CNGB3: variants seen among roughly 807,000 people sequenced by gnomAD.
The protein encoded by CNGB3 is cyclic nucleotide-gated channel beta-3.
In CNGB3, 86 loss-of-function variants were observed where a neutral mutation model predicts 92.8. That is an observed-to-expected ratio of 0.93 (90% CI 0.78 to 1.11). The LOEUF is 1.11. Among genes scored for constraint, CNGB3 ranks in the 50% least tolerant of loss-of-function variants. The pLI, the probability that CNGB3 is intolerant of heterozygous loss-of-function variation, is 0.00. For missense variants in CNGB3, 1,026 were observed against 956.8 expected (o/e 1.07, Z -0.95); for synonymous variants, 333 against 332.7 (o/e 1.00, Z -0.01).
chr8:86,630,522 A>G (rs7012979), intron 11 of CNGB3, among the ~76,000 whole-genome samples: 7,071 of 152,220 alleles, frequency 0.046, 548 homozygotes, highest in African/African-American at 0.16. Flanking sequence ...GAGAGGAAGA[A>G]AAATGTCAGT....
intron 6 of CNGB3, chr8:86,660,709 C>G: frequency 7.6e-6 from 4 of 529,036 alleles, no homozygotes; most frequent in South Asian, 4.2e-5. Flanking sequence ...GTTCCATACA[C>G]AGTGCTCCCC....
intron 7 of CNGB3, among the ~76,000 whole-genome samples, 192 bp downstream of exon 7, chr8:86,653,818 TTA>T (rs1823450448): frequency 6.6e-6 from 1 of 152,152 alleles, no homozygotes; most frequent in Non-Finnish European, 1.5e-5. Context: ...TAATAAGGGC[TTA>T]TATGTTGAAT....
chr8:86,664,348 C>A (rs1016154012), intron 6 of CNGB3, among the ~76,000 whole-genome samples: 1 of 152,158 alleles, frequency 6.6e-6, no homozygotes, highest in South Asian at 2.1e-4. Flanking sequence ...GGAGATTAAG[C>A]GACCTAACTG....
At chr8:86,595,039 A>C (rs1822139467) in intron 15 of CNGB3, among the ~76,000 whole-genome samples, 1 of 152,158 alleles carries the variant, frequency 6.6e-6, no homozygotes, top group South Asian at 2.1e-4. Flanking sequence ...TAGGTTCTTA[A>C]CCTATACTTA....
intron 13 of CNGB3, among the ~76,000 whole-genome samples, chr8:86,616,342 G>T (rs1822622874): frequency 6.6e-6 from 1 of 152,066 alleles, no homozygotes; most frequent in Non-Finnish European, 1.5e-5. Context: ...CTAGCTTTGG[G>T]GCAGCTTTGG....
chr8:86,657,884 G>A, intron 6 of CNGB3: 1 of 542,676 alleles, frequency 1.8e-6, no homozygotes, highest in Non-Finnish European at 3.7e-6. Flanking sequence ...CGGGAGGACA[G>A]GGTTCAGACG....
At chr8:86,656,677 A>G (rs1823510789) in intron 6 of CNGB3, among the ~76,000 whole-genome samples, 1 of 152,184 alleles carries the variant, frequency 6.6e-6, no homozygotes, top group African/African-American at 2.4e-5. Context: ...AGATCTACTC[A>G]GGTGTTAGTA....
intron 3 of CNGB3, among the ~76,000 whole-genome samples, chr8:86,671,882 G>A (rs1652074490): frequency 6.6e-6 from 1 of 152,182 alleles, no homozygotes; most frequent in South Asian, 2.1e-4. Context: ...TTTCAGCCTT[G>A]TGAGACCTGA....
chr8:86,622,581 C>T (rs1199722180), intron 13 of CNGB3, among the ~76,000 whole-genome samples: 6 of 152,132 alleles, frequency 3.9e-5, no homozygotes, highest in Non-Finnish European at 7.3e-5. Context: ...CAGAAGCAAT[C>T]ATTAATCTGA....
intron 13 of CNGB3, among the ~76,000 whole-genome samples, chr8:86,625,727 T>G (rs1264857090): frequency 6.7e-6 from 1 of 148,996 alleles, no homozygotes; most frequent in Non-Finnish European, 1.5e-5. Flanking sequence ...AAATTATATT[T>G]AAATTAATGC....
chr8:86,670,217 T>C (rs531427638), intron 4 of CNGB3, among the ~76,000 whole-genome samples: 1 of 152,348 alleles, frequency 6.6e-6, no homozygotes, highest in East Asian at 1.9e-4. Flanking sequence ...CCTTACTTGA[T>C]TGGTTTGTTG....
At chr8:86,670,866 T>A in intron 4 of CNGB3, 78 bp downstream of exon 4, 1 of 1,485,176 alleles carries the variant, frequency 6.7e-7, no homozygotes, top group African/African-American at 1.4e-5. Context: ...TTTTGGGAGA[T>A]CCAAACTAAA....
intron 17 of CNGB3, 116 bp from the exon 18 acceptor site, chr8:86,576,246 G>C: frequency 6.4e-6 from 7 of 1,088,920 alleles, no homozygotes; most frequent in African/African-American, 1.6e-5. Flanking sequence ...TCTGAATTAA[G>C]TGAATCCAGG....
At chr8:86,667,759 C>T (rs1310385093) in intron 5 of CNGB3, among the ~76,000 whole-genome samples, 3 of 152,084 alleles carry the variant, frequency 2.0e-5, no homozygotes, top group Non-Finnish European at 4.4e-5. Context: ...TTGCGGAGTG[C>T]TTTGGGCCTT....
At chr8:86,624,633 T>C (rs1194707129) in intron 13 of CNGB3, among the ~76,000 whole-genome samples, 2 of 152,150 alleles carry the variant, frequency 1.3e-5, no homozygotes, top group African/African-American at 4.8e-5. Flanking sequence ...CCTCCTGTCC[T>C]CATTCCTCTC....
intron 3 of CNGB3, among the ~76,000 whole-genome samples, chr8:86,677,343 A>T (rs1198284660): frequency 1.3e-5 from 2 of 152,252 alleles, no homozygotes; most frequent in Non-Finnish European, 2.9e-5. Flanking sequence ...TTGTAAGAGA[A>T]ATAGCAATAC....
chr8:86,657,880 G>C, intron 6 of CNGB3: 1 of 541,436 alleles, frequency 1.8e-6, no homozygotes, highest in Non-Finnish European at 3.7e-6. Flanking sequence ...CCTGCGGGAG[G>C]ACAGGGTTCA....
At chr8:86,648,756 T>C (rs1823340527) in intron 7 of CNGB3, among the ~76,000 whole-genome samples, 1 of 150,986 alleles carries the variant, frequency 6.6e-6, no homozygotes, top group Non-Finnish European at 1.5e-5. Flanking sequence ...TAAGAACATA[T>C]TGTAAGGCCA....
At chr8:86,584,636 C>A (rs1331964372) in intron 15 of CNGB3, among the ~76,000 whole-genome samples, 1 of 151,878 alleles carries the variant, frequency 6.6e-6, no homozygotes, top group Non-Finnish European at 1.5e-5. Context: ...AAGTTTCACT[C>A]ATTAAATAGC....
Sources: allele counts gnomAD v4.1 joint callset (sites outside exome capture counted in the v4.1 genomes callset), GRCh38; gene constraint gnomAD v4.1.1; transcripts MANE v1.5; gene names NCBI Gene and HGNC (gene_info 2026-07-23, HGNC 2026-07-21).